GBX1: variants seen among roughly 807,000 people sequenced by gnomAD.
GBX1 encodes homeobox protein GBX-1.
In GBX1, 9 loss-of-function variants were observed where a neutral mutation model predicts 22.9. The ratio of observed to expected loss-of-function variants is 0.39; its 90% CI spans 0.24 to 0.69. The LOEUF (loss-of-function observed/expected upper bound fraction) is 0.69. Among genes scored for constraint, GBX1 ranks in the 30% least tolerant of loss-of-function variants. The pLI is 0.43. For synonymous variants in GBX1, 203 were observed against 227.3 expected (o/e 0.89, Z 0.96); for missense variants, 494 against 509.2 (o/e 0.97, Z 0.29).
intron 1 of GBX1, among the ~76,000 whole-genome samples, chr7:151,164,242 T>G (rs1278946577): frequency 6.6e-6 from 1 of 152,246 alleles, no homozygotes; most frequent in Non-Finnish European, 1.5e-5. Flanking sequence ...GATTGCATTA[T>G]TTCTCCAAAT....
chr7:151,154,630 G>A (rs1340789100), intron 1 of GBX1, among the ~76,000 whole-genome samples: 1 of 152,216 alleles, frequency 6.6e-6, no homozygotes, highest in Non-Finnish European at 1.5e-5. Context: ...CCTGGTGGAT[G>A]CTATTATCCT....
At chr7:151,151,472 C>T (rs1563547340) in intron 1 of GBX1, among the ~76,000 whole-genome samples, 1 of 152,114 alleles carries the variant, frequency 6.6e-6, no homozygotes. Flanking sequence ...TCTCTTCTCC[C>T]ATTATTTTCC....
intron 1 of GBX1, among the ~76,000 whole-genome samples, chr7:151,151,946 C>T (rs939608135): frequency 2.0e-5 from 3 of 152,210 alleles, no homozygotes; most frequent in Non-Finnish European, 2.9e-5. Flanking sequence ...CCTGGTCATC[C>T]TTTTAAAATT....
At chr7:151,161,062 A>G (rs1292733046) in intron 1 of GBX1, among the ~76,000 whole-genome samples, 2 of 152,000 alleles carry the variant, frequency 1.3e-5, no homozygotes, top group Admixed American at 1.3e-4. Context: ...ATTCCAAATC[A>G]GTTTCTTTTC....
intron 1 of GBX1, among the ~76,000 whole-genome samples, chr7:151,157,552 C>T (rs1165943135): frequency 6.6e-6 from 1 of 152,176 alleles, no homozygotes; most frequent in African/African-American, 2.4e-5. Flanking sequence ...GATTTCCTTT[C>T]AGTATTTCTT....
chr7:151,156,385 C>CCAAA (rs1801134262), intron 1 of GBX1, among the ~76,000 whole-genome samples: 2 of 15,926 alleles, frequency 1.3e-4, no homozygotes, highest in African/African-American at 3.5e-4. Context: ...GACCCTGTCT[C>CCAAA]AAAAAAAAAA....
At chr7:151,166,776 C>A (rs1801257049) in intron 1 of GBX1, among the ~76,000 whole-genome samples, 1 of 152,186 alleles carries the variant, frequency 6.6e-6, no homozygotes, top group African/African-American at 2.4e-5. Flanking sequence ...GAAGGGAGCA[C>A]TGCAAAGTCT....
intron 1 of GBX1, among the ~76,000 whole-genome samples, chr7:151,154,362 T>A (rs1041561541): frequency 6.6e-6 from 1 of 152,182 alleles, no homozygotes; most frequent in Non-Finnish European, 1.5e-5. Flanking sequence ...AAATAATGAT[T>A]CTGATGAGAA....
chr7:151,161,799 C>CA (rs1472774853), intron 1 of GBX1, among the ~76,000 whole-genome samples: 4 of 152,306 alleles, frequency 2.6e-5, no homozygotes, highest in Non-Finnish European at 5.9e-5. Context: ...CCATAGCTAA[C>CA]AGATCCCCTG....
chr7:151,154,273 T>C lies in GBX1; in HGVS notation c.539-5131A>G, dbSNP rs186840023. Among the ~76,000 whole-genome samples the C allele has an allele frequency of 2.0e-5, 3 of 152,088 alleles. No homozygotes were observed. In the East Asian group the frequency reaches 5.8e-4, roughly 29 times the overall value. The stretch of plus-strand genomic sequence containing the variant: ...GTTGGTATGAACAAAAAACGATAAA[T>C]AAATAAGAATTAAAAATGTTACATG... On this transcript the variant is annotated intron_variant, in intron 1 of 1. Transcript: ENST00000297537.
chr7:151,153,770 C>T (rs1168553301), intron 1 of GBX1, among the ~76,000 whole-genome samples: 2 of 151,832 alleles, frequency 1.3e-5, no homozygotes, highest in African/African-American at 4.8e-5. Context: ...ACTATGTTGC[C>T]CAGGCTGGTC....
intron 1 of GBX1, chr7:151,149,908 T>C: frequency 4.4e-6 from 2 of 455,950 alleles, no homozygotes; most frequent in Non-Finnish European, 8.8e-6. Flanking sequence ...AATGAAACCA[T>C]CTCTTTCCCA....
In GBX1 at chr7:151,167,164, C is replaced by A. The variant is rs778239687; in HGVS notation, c.385G>T (p.Ala129Ser). 4.4e-6 allele frequency: 7 copies of A among 1,590,090 alleles called. No homozygotes were observed. Among genetic ancestry groups the A allele is most frequent in the Admixed American group, 1.8e-5 (1 of 56,532 alleles). The change falls in exon 1 of 2, where the codon GCC becomes TCC. Residue 129 changes from alanine to serine, a missense_variant. Physicochemically the swap from Ala to Ser is moderately conservative, Grantham distance 99. This residue lies in a region of GBX1 where 365 missense variants were observed against 340.4 expected (regional missense o/e 1.07). Transcript: ENST00000297537. This position sits in a 1 kb window ranked among gnomAD's most constrained non-coding sequence, Gnocchi z 5.9. ...QELAAAAAAA[A>S]ATAARNNPEP... The stretch of plus-strand genomic sequence containing the variant: ...GGGTTGTTTCGGGCGGCAGTGGCGG[C>A]GGCGGCGGCAGCGGCGGCGGCGAGC...
intron 1 of GBX1, among the ~76,000 whole-genome samples, chr7:151,160,365 A>T (rs1801177294): frequency 1.3e-5 from 2 of 152,064 alleles, no homozygotes; most frequent in Non-Finnish European, 1.5e-5. Context: ...TTCTCTTCCC[A>T]CTGTTCCCAC....
Position 151,148,766 on chromosome 7 carries a change from G to T in GBX1, c.915C>A (p.Val305=), listed in dbSNP as rs75176255. 207 of 1,614,172 alleles carry T rather than the reference G, an allele frequency of 1.3e-4. No individual in the cohort carries two copies. The East Asian group carries it at 4.4e-3, about 34-fold the overall frequency. ...AHALKLSEVQ[V]KIWFQNRRAK... is the part of the protein sequence containing the mutation. The stretch of plus-strand genomic sequence containing the variant: ...CCCGTCGATTCTGAAACCAGATCTT[G>T]ACCTGCACCTCACTGAGCTTGAGGG... Residue 305 remains valine, a synonymous_variant, in exon 2 of 2, where the codon GTC becomes GTA. Transcript: ENST00000297537. The surrounding 1 kb of genome is among the most constrained non-coding windows in gnomAD (Gnocchi z 5.1).
chr7:151,162,804 CTTTT>C (rs111815011), intron 1 of GBX1, among the ~76,000 whole-genome samples: 6 of 126,420 alleles, frequency 4.7e-5, no homozygotes, highest in African/African-American at 1.5e-4. Context: ...TTTCTTCTGC[CTTTT>C]TTTTTTTTTT....
intron 1 of GBX1, among the ~76,000 whole-genome samples, chr7:151,160,685 T>C (rs1442080561): frequency 1.3e-5 from 2 of 152,222 alleles, no homozygotes; most frequent in Non-Finnish European, 2.9e-5. Flanking sequence ...CACTCCTCTA[T>C]TGCACCAAAT....
chr7:151,156,046 GTC>G (rs1239612598), intron 1 of GBX1, among the ~76,000 whole-genome samples: 1 of 152,048 alleles, frequency 6.6e-6, no homozygotes, highest in Non-Finnish European at 1.5e-5. Flanking sequence ...CTCCCCAGAT[GTC>G]TCATTAGATA....
At chr7:151,164,987 A>AC (rs1801233522) in intron 1 of GBX1, among the ~76,000 whole-genome samples, 1 of 151,688 alleles carries the variant, frequency 6.6e-6, no homozygotes, top group Non-Finnish European at 1.5e-5. Context: ...ACACACACAC[A>AC]AACACACACA....
Sources: gnomAD v4.1 joint callset for allele counts (sites outside exome capture counted in the v4.1 genomes callset) on GRCh38, gnomAD v4.1.1 for gene constraint, gnomAD v4.1.1 regional missense constraint, Gnocchi (gnomAD v3.1) non-coding constraint, MANE v1.5 for transcripts, NCBI Gene and HGNC (gene_info 2026-07-23, HGNC 2026-07-21) for gene names.